DAB1: variants seen among roughly 807,000 people sequenced by gnomAD.
DAB1 encodes DAB adaptor protein 1, also known as disabled homolog 1.
In DAB1, 15 loss-of-function variants were observed where a neutral mutation model predicts 64.6. The observed-to-expected ratio is 0.23, with a 90% CI of 0.16 to 0.36. DAB1 has a LOEUF of 0.36. Ranked by LOEUF, DAB1 falls within the 10% of genes least tolerant of loss-of-function variation. DAB1 has a pLI of 1.00. For missense variants in DAB1, 596 were observed against 706.7 expected (o/e 0.84, Z 1.78); for synonymous variants, 235 against 251.9 (o/e 0.93, Z 0.64).
At chr1:58,528,589 G>T (rs1394486804) in intron 1 of DAB1, among the ~76,000 whole-genome samples, 1 of 152,130 alleles carries the variant, frequency 6.6e-6, no homozygotes, top group Non-Finnish European at 1.5e-5. Flanking sequence ...TAGGGAATGG[G>T]GGTCAGAAAT....
intron 6 of DAB1, among the ~76,000 whole-genome samples, chr1:57,758,487 G>A (rs550523441): frequency 6.6e-6 from 1 of 152,324 alleles, no homozygotes; most frequent in South Asian, 2.1e-4. Context: ...ATTTTACCAT[G>A]TAGGGACATG....
chr1:58,330,974 T>G (rs1662956346), intron 4 of DAB1, among the ~76,000 whole-genome samples: 1 of 152,236 alleles, frequency 6.6e-6, no homozygotes, highest in Non-Finnish European at 1.5e-5. Context: ...AGTCTTATTA[T>G]TTAAGAAATA....
At chr1:57,319,905 G>A (rs931689204) in intron 1 of DAB1, among the ~76,000 whole-genome samples, 1 of 152,176 alleles carries the variant, frequency 6.6e-6, no homozygotes, top group Non-Finnish European at 1.5e-5. Context: ...TTCTATGAAG[G>A]TGTGATACTT....
intron 4 of DAB1, among the ~76,000 whole-genome samples, chr1:58,158,877 C>T (rs1264738316): frequency 2.6e-5 from 4 of 152,180 alleles, no homozygotes; most frequent in South Asian, 2.1e-4. Context: ...TACACATGCA[C>T]ACAAGCACGC....
chr1:57,608,459 A>G (rs971302654), intron 7 of DAB1, among the ~76,000 whole-genome samples: 4 of 152,174 alleles, frequency 2.6e-5, no homozygotes, highest in Non-Finnish European at 5.9e-5. Context: ...TATAATTCTA[A>G]AAGAATTTCC....
At chr1:57,108,019 A>G (rs1015909343) in intron 4 of DAB1, among the ~76,000 whole-genome samples, 4 of 152,036 alleles carry the variant, frequency 2.6e-5, no homozygotes, top group Admixed American at 2.6e-4. Context: ...ATCCCATCTC[A>G]TTTCTTCCCT....
intron 1 of DAB1, among the ~76,000 whole-genome samples, chr1:57,411,053 G>A (rs964618575): frequency 4.6e-5 from 7 of 152,098 alleles, no homozygotes; most frequent in Admixed American, 2.0e-4. Context: ...GTGAACTTAC[G>A]GAAAGATTAA....
chr1:57,014,220 T>C (rs1176809871), intron 12 of DAB1, among the ~76,000 whole-genome samples: 1 of 152,210 alleles, frequency 6.6e-6, no homozygotes, highest in African/African-American at 2.4e-5. Flanking sequence ...TGGTCAGTAA[T>C]AAATCTGATC....
At chr1:58,346,477 A>G (rs1643998612) in intron 3 of DAB1, among the ~76,000 whole-genome samples, 2 of 152,154 alleles carry the variant, frequency 1.3e-5, no homozygotes, top group African/African-American at 4.8e-5. Context: ...CATTTTTTGC[A>G]AATAACATCC....
At chr1:57,408,214 G>A (rs566874437) in intron 1 of DAB1, among the ~76,000 whole-genome samples, 22 of 152,260 alleles carry the variant, frequency 1.4e-4, no homozygotes, top group African/African-American at 5.3e-4. Context: ...CCTACTTCAT[G>A]TTGAAATATG....
intron 7 of DAB1, among the ~76,000 whole-genome samples, chr1:57,489,595 A>G (rs1644137092): frequency 6.6e-6 from 1 of 152,202 alleles, no homozygotes; most frequent in Admixed American, 6.5e-5. Context: ...TTAGACTTCC[A>G]GCCCTTATGT....
intron 2 of DAB1, among the ~76,000 whole-genome samples, chr1:57,210,062 A>G (rs546898574): frequency 1.3e-5 from 2 of 152,352 alleles, no homozygotes; most frequent in African/African-American, 4.8e-5. Flanking sequence ...AAATTGAGAT[A>G]ATAATGCCTA....
intron 2 of DAB1, among the ~76,000 whole-genome samples, chr1:57,236,572 A>G (rs1668101587): frequency 2.0e-5 from 3 of 152,246 alleles, no homozygotes; most frequent in Admixed American, 1.3e-4. Flanking sequence ...CAGTAACATT[A>G]ATGGGACATG....
chr1:57,171,214 T>C (rs1199840118), intron 2 of DAB1, among the ~76,000 whole-genome samples: 1 of 152,144 alleles, frequency 6.6e-6, no homozygotes, highest in African/African-American at 2.4e-5. Context: ...CTGTATCAAA[T>C]AGGGCCAAAT....
Position 58,324,062 on chromosome 1 carries a change from T to C in DAB1, n.309+19290A>G, listed in dbSNP as rs546262445. ...TGGTGGTACAAACATGTACCCACCA[T>C]GTTCCTCATTTTGCCTTGTTTTCCA... On this transcript the variant is annotated intron_variant and non_coding_transcript_variant, in intron 4 of 20. Coordinates refer to the DAB1 transcript ENST00000485760. 1.3e-4 allele frequency among the ~76,000 whole-genome samples: 20 copies of C among 152,262 alleles called. 1 individual carries two copies. The South Asian group carries it at 3.3e-3, about 25-fold the overall frequency.
chr1:57,452,853 A>G (rs1252244203), intron 7 of DAB1, among the ~76,000 whole-genome samples: 1 of 152,016 alleles, frequency 6.6e-6, no homozygotes, highest in East Asian at 1.9e-4. Flanking sequence ...GGGAAGAAGG[A>G]AGAAAAGGAG....
chr1:57,103,235 A>G (rs1284839258), intron 4 of DAB1, among the ~76,000 whole-genome samples: 2 of 152,074 alleles, frequency 1.3e-5, no homozygotes, highest in Non-Finnish European at 2.9e-5. Context: ...GGAAGGGACA[A>G]TGTTACTCTG....
chr1:57,646,413 T>A (rs1034984762), intron 7 of DAB1, among the ~76,000 whole-genome samples: 1 of 152,150 alleles, frequency 6.6e-6, no homozygotes, highest in Admixed American at 6.5e-5. Context: ...AACAATAGCA[T>A]GAAAGCCTTT....
chr1:57,947,418 G>A (rs978212384), intron 5 of DAB1, among the ~76,000 whole-genome samples: 1 of 152,082 alleles, frequency 6.6e-6, no homozygotes, highest in Non-Finnish European at 1.5e-5. Flanking sequence ...TAGCGCTATT[G>A]ACATTTTTAA....
Sources: allele counts gnomAD v4.1 joint callset (sites outside exome capture counted in the v4.1 genomes callset), GRCh38; gene constraint gnomAD v4.1.1; transcripts MANE v1.5; gene names NCBI Gene and HGNC (gene_info 2026-07-23, HGNC 2026-07-21).